ZMAT1: variants seen among roughly 807,000 people sequenced by gnomAD.
ZMAT1 encodes the protein zinc finger matrin-type protein 1.
A neutral mutation model predicts 18.5 loss-of-function variants in ZMAT1; 11 were observed. The ratio of observed to expected loss-of-function variants is 0.59; its 90% CI spans 0.37 to 0.98. ZMAT1 has a LOEUF of 0.98. Among genes scored for constraint, ZMAT1 ranks in the 50% least tolerant of loss-of-function variants. The pLI, the probability that ZMAT1 is intolerant of heterozygous loss-of-function variation, is 0.01. For missense variants in ZMAT1, 525 were observed against 496.2 expected (o/e 1.06, Z -0.55); for synonymous variants, 211 against 176.4 (o/e 1.20, Z -1.55).
At position 101,883,530 on chromosome X, in the gene ZMAT1, C is replaced by T; in HGVS notation, c.2068G>A (p.Glu690Lys). The change falls in exon 6 of 6, where the codon GAG becomes AAG. Residue 690 changes from glutamate (E) to lysine (K), a missense_variant. Coordinates refer to ENST00000651725, the MANE Select transcript of ZMAT1 (RefSeq NM_001394560.1). ...ERTEEEMLWD[E>K]SILGF Reference sequence around the variant, plus strand: ...AACATTCAAAATCCAAGAATAGACTCATCCCAAAGCATTTCCTCTTCTGTC... The same window carrying T: ...AACATTCAAAATCCAAGAATAGACTTATCCCAAAGCATTTCCTCTTCTGTC... 1 of 1,186,803 alleles carries T rather than the reference C, an allele frequency of 8.4e-7. No homozygotes were observed. Among genetic ancestry groups the T allele is most frequent in the Non-Finnish European group, 1.1e-6 (1 of 886,998 alleles).
At position 101,931,842 on chromosome X, in the gene ZMAT1, G is replaced by C. The variant is rs1229439571; in HGVS notation, c.167C>G (p.Pro56Arg). The change falls in exon 1 of 6, where the codon CCT becomes CGT. Residue 56 changes from proline (P) to arginine (R), a missense_variant. Transcript: ENST00000651725. ...ACAGCCACCGGCAGGCGGGCAGGCA[G>C]GGGCGGAGGTGGCGGAGGAGGCAGG... is the stretch of plus-strand genomic sequence containing the variant. ...IVPASSATSA[P>R]ACPPAGGCGD... The C allele has an allele frequency of 2.5e-6, 2 of 787,029 alleles. No homozygotes were observed. Among genetic ancestry groups the C allele is most frequent in the Non-Finnish European group, 3.0e-6 (2 of 663,900 alleles). 64.9% of individuals were successfully genotyped at this position (787,029 alleles called of 1,213,427 possible).
intron 4 of ZMAT1, among the ~76,000 whole-genome samples, chrX:101,896,234 G>T (rs1199296558): frequency 2.7e-5 from 3 of 111,922 alleles, no homozygotes; most frequent in Non-Finnish European, 5.6e-5. Context: ...AGTCTTTCTT[G>T]AGTAACAAAG....
At chrX:101,901,025 G>A (rs1928190791) in intron 2 of ZMAT1, among the ~76,000 whole-genome samples, 1 of 110,880 alleles carries the variant, frequency 9.0e-6, no homozygotes, top group African/African-American at 3.3e-5. Context: ...GAGATCTTTC[G>A]ACTCCTTGGT....
intron 1 of ZMAT1, 91 bp from the exon 2 acceptor site, chrX:101,904,421 G>T: frequency 1.4e-6 from 1 of 690,637 alleles, no homozygotes; most frequent in Non-Finnish European, 2.1e-6. Context: ...GATTTCATAT[G>T]ATACTTCAAA....
intron 4 of ZMAT1, among the ~76,000 whole-genome samples, chrX:101,894,268 T>G (rs1927641811): frequency 9.0e-6 from 1 of 111,391 alleles, no homozygotes; most frequent in Admixed American, 9.5e-5. Flanking sequence ...ATGCCAATGG[T>G]GTTGATCCAC....
intron 1 of ZMAT1, among the ~76,000 whole-genome samples, chrX:101,928,669 T>G (rs1446782488): frequency 8.9e-6 from 1 of 112,768 alleles, no homozygotes; most frequent in African/African-American, 3.2e-5. Context: ...CCCACTAGAT[T>G]TTCTTATGGT....
At position 101,883,388 on chromosome X, in the gene ZMAT1, G is replaced by A; in HGVS notation, c.*122C>T. ...AAATTTTTATACAAAAAAAACCTAA[G>A]TGTCCTGAAGTGACACTGACTGTAT... On this transcript the variant is annotated 3_prime_UTR_variant, in exon 6 of 6. Coordinates refer to ENST00000651725, the MANE Select transcript of ZMAT1 (RefSeq NM_001394560.1). 1 of 448,740 alleles carries A rather than the reference G, an allele frequency of 2.2e-6. No homozygotes were observed. Among genetic ancestry groups the A allele is most frequent in the Non-Finnish European group, 3.3e-6 (1 of 302,340 alleles). The allele number at this position is 448,740 out of a possible 1,213,427, so 37.0% of individuals were successfully genotyped here. A position where few individuals can be genotyped will look rare whatever the true frequency, so the allele number is the denominator to read the frequency against.
chrX:101,929,423 T>TTATATATATATATA (rs771032732), intron 1 of ZMAT1, among the ~76,000 whole-genome samples: 10 of 71,299 alleles, frequency 1.4e-4, no homozygotes, highest in African/African-American at 3.7e-4. Flanking sequence ...TAGAGAGAGA[T>TTATATATATATATA]TATATATATA....
At chrX:101,893,829 C>T (rs759656192) in intron 4 of ZMAT1, among the ~76,000 whole-genome samples, 1 of 110,910 alleles carries the variant, frequency 9.0e-6, no homozygotes, top group Non-Finnish European at 1.9e-5. Context: ...GCAGCATGAA[C>T]GAGGGCACAG....
intron 1 of ZMAT1, among the ~76,000 whole-genome samples, chrX:101,919,373 A>C (rs1170023466): frequency 8.9e-6 from 1 of 111,933 alleles, no homozygotes; most frequent in African/African-American, 3.2e-5. Flanking sequence ...AATGTTCAAA[A>C]ATTTTGAAGA....
chrX:101,894,754 C>A, intron 4 of ZMAT1: 1 of 752,973 alleles, frequency 1.3e-6, no homozygotes, highest in Non-Finnish European at 1.6e-6. Context: ...AAGAATAGAG[C>A]TTCAAGGAGG....
At position 101,883,776 on chromosome X, in the gene ZMAT1, T is replaced by A; in HGVS notation, c.1822A>T (p.Arg608Trp). The A allele has an allele frequency of 8.3e-7, 1 of 1,210,065 alleles. No individual in the cohort carries two copies. The change falls in exon 6 of 6, where the codon AGG becomes TGG. Residue 608 changes from arginine (R) to tryptophan (W), a missense_variant. By Grantham distance (101) the Arg-to-Trp change is moderately radical (BLOSUM62 -3). Coordinates refer to ENST00000651725, the MANE Select transcript of ZMAT1 (RefSeq NM_001394560.1). ...RKRHLEEGKE[R>W]PEKEQSKHKR... is the part of the protein sequence containing the mutation. The stretch of plus-strand genomic sequence containing the variant: ...TGCTTGGACTGCTCTTTCTCTGGCC[T>A]TTCTTTGCCTTCTTCTAGGTGTCGT...
At chrX:101,900,043 C>A (rs1025282859) in intron 2 of ZMAT1, among the ~76,000 whole-genome samples, 2 of 111,886 alleles carry the variant, frequency 1.8e-5, no homozygotes, top group Admixed American at 9.5e-5. Flanking sequence ...ATTTGCATTT[C>A]CTTGATCATT....
At chrX:101,911,512 A>C in intron 1 of ZMAT1, 1 of 931,335 alleles carries the variant, frequency 1.1e-6, no homozygotes, top group Non-Finnish European at 1.5e-6. Context: ...AAGTAAAAAC[A>C]ACAAAAAGTT....
At chrX:101,928,349 A>C (rs1240215765) in intron 1 of ZMAT1, among the ~76,000 whole-genome samples, 8 of 111,572 alleles carry the variant, frequency 7.2e-5, no homozygotes, top group Non-Finnish European at 1.5e-4. Flanking sequence ...TACCCACTAG[A>C]TTTTCTTTTT....
In ZMAT1 at chrX:101,884,046, C is replaced by A. The variant is rs1267074568; in HGVS notation, c.1552G>T (p.Val518Leu). 2 of 1,210,192 alleles carry A rather than the reference C, an allele frequency of 1.7e-6. No individual in the cohort carries two copies. ...CAATGAGGTAACTGGTTTTCCACTA[C>A]TTGTGAAATACTATATGGTCCTGAA... ...TYSGPYSISQ[V>L]VENQLPHCLP... The change falls in exon 6 of 6, where the codon GTA (valine) becomes TTA (leucine). Residue 518 changes from valine to leucine, a missense_variant. Physicochemically the swap from Val to Leu is conservative, Grantham distance 32. Transcript: ENST00000651725.
At position 101,884,331 on chromosome X, in the gene ZMAT1, G is replaced by A. The variant is rs1200498478; in HGVS notation, c.1267C>T (p.Arg423Ter). 1.7e-6 allele frequency: 2 copies of A among 1,208,870 alleles called. No homozygotes were observed. Among genetic ancestry groups the A allele is most frequent in the Non-Finnish European group, 2.2e-6 (2 of 894,793 alleles). The change falls in exon 6 of 6, where the codon CGA (arginine) becomes TGA (stop). Residue 423 changes from arginine to a stop codon, truncating the protein, a stop_gained. Coordinates refer to ENST00000651725, the MANE Select transcript of ZMAT1 (RefSeq NM_001394560.1). LOFTEE classifies it low-confidence loss of function (END_TRUNC). ...TCCACTGGTGAAATATGGTATGGTC[G>A]TTGGTAGGTCTGGGAAGCCTCATGT... ...FSHEASQTYQ[R>*]PYHISPVESQ... is the part of the protein sequence containing the mutation.
chrX:101,912,082 C>T, intron 1 of ZMAT1: 1 of 1,093,201 alleles, frequency 9.1e-7, no homozygotes, highest in Non-Finnish European at 1.3e-6. Flanking sequence ...AAACCCACTC[C>T]ACATGTGCTG....
At chrX:101,895,365 T>G (rs376166525) in intron 4 of ZMAT1, among the ~76,000 whole-genome samples, 1 of 111,114 alleles carries the variant, frequency 9.0e-6, no homozygotes, top group African/African-American at 3.3e-5. Context: ...AGAATTCCTA[T>G]GTTTGATTCT....
Sources: gnomAD v4.1 joint callset for allele counts (sites outside exome capture counted in the v4.1 genomes callset) on GRCh38, gnomAD v4.1.1 for gene constraint, MANE v1.5 for transcripts, NCBI Gene and HGNC (gene_info 2026-07-23, HGNC 2026-07-21) for gene names.